PGM5: variants seen among roughly 807,000 people sequenced by gnomAD.
The protein encoded by PGM5 is phosphoglucomutase-like protein 5.
A neutral mutation model predicts 59.2 loss-of-function variants in PGM5; 23 were observed. That is an observed-to-expected ratio of 0.39 (90% CI 0.28 to 0.55). The LOEUF (loss-of-function observed/expected upper bound fraction) is 0.55, where lower values mean the gene tolerates loss of function less well. Among genes scored for constraint, PGM5 ranks in the 20% least tolerant of loss-of-function variants. The probability of loss-of-function intolerance (pLI) is 0.66; values close to 1 mark genes in which losing one functional copy is unlikely to be tolerated. For missense variants in PGM5, 574 were observed against 748.3 expected (o/e 0.77, Z 2.72); for synonymous variants, 214 against 286.0 (o/e 0.75, Z 2.54).
At chr9:68,504,141 C>T (rs1414118647) in intron 10 of PGM5, among the ~76,000 whole-genome samples, 2 of 152,222 alleles carry the variant, frequency 1.3e-5, no homozygotes, top group Non-Finnish European at 2.9e-5. Context: ...TTCCACACAT[C>T]GATCTCTGTC....
intron 6 of PGM5, among the ~76,000 whole-genome samples, chr9:68,444,226 G>T (rs890872646): frequency 6.6e-6 from 1 of 152,032 alleles, no homozygotes; most frequent in Admixed American, 6.6e-5. Context: ...GGGAGACTGG[G>T]ATTTCCAGTA....
At chr9:68,403,522 T>C (rs1331895003) in intron 6 of PGM5, among the ~76,000 whole-genome samples, 1 of 152,202 alleles carries the variant, frequency 6.6e-6, no homozygotes, top group South Asian at 2.1e-4. Context: ...CACTATGTTA[T>C]ATAGTATGTT....
chr9:68,496,842 T>G (rs1824490122), intron 9 of PGM5: 1 of 152,206 alleles, frequency 6.6e-6, no homozygotes, highest in Non-Finnish European at 1.5e-5. Context: ...GGGTTGAGTC[T>G]GGGGGCTCAT....
chr9:68,499,214 T>C lies in PGM5; in HGVS notation c.1480-13T>C. ...TTTGCTCACTGCTCCATTCTGGATGTTCTTGGTCTCAGGGCCTAAGGATCA... is the reference window on the plus strand; with the variant it reads ...TTTGCTCACTGCTCCATTCTGGATGCTCTTGGTCTCAGGGCCTAAGGATCA... On this transcript the variant is annotated splice_polypyrimidine_tract_variant and intron_variant, in intron 9 of 10. Coordinates refer to ENST00000396396, the MANE Select transcript of PGM5 (RefSeq NM_021965.4). 2 of 1,614,014 alleles carry C rather than the reference T, an allele frequency of 1.2e-6. No individual in the cohort carries two copies. Among genetic ancestry groups the C allele is most frequent in the Non-Finnish European group, 1.7e-6 (2 of 1,179,926 alleles).
chr9:68,439,592 TCAGA>T (rs1393547910), intron 6 of PGM5, among the ~76,000 whole-genome samples: 1 of 147,904 alleles, frequency 6.8e-6, no homozygotes, highest in Non-Finnish European at 1.5e-5. Context: ...CCACAACAGC[TCAGA>T]GTCTACCCCA....
chr9:68,399,347 C>T (rs1333743698), intron 6 of PGM5: 1 of 152,024 alleles, frequency 6.6e-6, no homozygotes, highest in Non-Finnish European at 1.5e-5. Context: ...GGTGTCTATA[C>T]TTAATTTAGT....
rs1824528250 is a variant in PGM5, at chr9:68,499,124, G to A, written c.1480-103G>A. 5.7e-6 allele frequency: 7 copies of A among 1,223,994 alleles called. No homozygotes were observed. In the Admixed American group the frequency reaches 7.0e-5, roughly 12 times the overall value. The allele number at this position is 1,223,994 out of a possible 1,614,324, so 75.8% of individuals were successfully genotyped here. ...AATATAAATGGTCTTGATTCTGATT[G>A]TGTTGAGGTATAAAAACATGCTGAT... On this transcript the variant is annotated intron_variant, in intron 9 of 10. Transcript: ENST00000396396.
At chr9:68,375,343 C>T (rs1821851827) in intron 1 of PGM5, among the ~76,000 whole-genome samples, 1 of 152,236 alleles carries the variant, frequency 6.6e-6, no homozygotes, top group African/African-American at 2.4e-5. Flanking sequence ...GGCTATTTAC[C>T]ACAGCCCCTC....
At chr9:68,418,799 C>T (rs928914097) in intron 6 of PGM5, among the ~76,000 whole-genome samples, 3 of 152,064 alleles carry the variant, frequency 2.0e-5, no homozygotes, top group Middle Eastern at 3.2e-3. Flanking sequence ...GAACCCCTGC[C>T]GGGTCACCAG....
chr9:68,486,571 A>G (rs62553015), intron 9 of PGM5, among the ~76,000 whole-genome samples: 18,256 of 152,176 alleles, frequency 0.12, 1,449 homozygotes, highest in Non-Finnish European at 0.17. Context: ...ACTTATTGTA[A>G]TATTTTCAGG....
intron 10 of PGM5, among the ~76,000 whole-genome samples, chr9:68,520,290 G>T (rs1471143434): frequency 1.3e-5 from 2 of 150,536 alleles, no homozygotes; most frequent in African/African-American, 4.9e-5. Flanking sequence ...ACTGATAAAA[G>T]AGTTAAATCC....
intron 6 of PGM5, chr9:68,396,061 T>C (rs2482656): frequency 6.6e-6 from 1 of 151,848 alleles, no homozygotes; most frequent in Non-Finnish European, 1.5e-5. Flanking sequence ...CTGAGTGATA[T>C]GTAGGGTATT....
At chr9:68,378,685 T>A (rs376746) in intron 2 of PGM5, among the ~76,000 whole-genome samples, 2,010 of 152,298 alleles carry the variant, frequency 0.013, 59 homozygotes, top group African/African-American at 0.046. Flanking sequence ...ATTTTACACA[T>A]GAACAAATCA....
intron 10 of PGM5, among the ~76,000 whole-genome samples, chr9:68,518,305 C>G (rs1287894552): frequency 6.6e-6 from 1 of 152,146 alleles, no homozygotes; most frequent in Non-Finnish European, 1.5e-5. Context: ...ATGAAGGAAA[C>G]TAACAATATT....
intron 6 of PGM5, among the ~76,000 whole-genome samples, chr9:68,447,151 G>A (rs1001176915): frequency 2.0e-5 from 3 of 151,476 alleles, no homozygotes; most frequent in Non-Finnish European, 4.4e-5. Flanking sequence ...GGTTGCTGGT[G>A]CCAAGCCGGA....
intron 9 of PGM5, among the ~76,000 whole-genome samples, chr9:68,488,430 G>T (rs1158840973): frequency 2.6e-5 from 4 of 152,222 alleles, no homozygotes; most frequent in Non-Finnish European, 4.4e-5. Flanking sequence ...TTAAAATCCT[G>T]TTCTGGTGAT....
chr9:68,412,978 A>G (rs1822959445), intron 6 of PGM5, among the ~76,000 whole-genome samples: 1 of 152,154 alleles, frequency 6.6e-6, no homozygotes, highest in Non-Finnish European at 1.5e-5. Context: ...ATCTGCTTTA[A>G]TTTGCTCCAA....
chr9:68,444,816 G>A (rs1375554655), intron 6 of PGM5, among the ~76,000 whole-genome samples: 14 of 152,334 alleles, frequency 9.2e-5, no homozygotes, highest in East Asian at 3.9e-4. Flanking sequence ...CACCCCTGGA[G>A]GGTGTACAGA....
intron 2 of PGM5, among the ~76,000 whole-genome samples, chr9:68,382,213 T>C (rs1161241973): frequency 4.0e-5 from 6 of 150,882 alleles, no homozygotes; most frequent in Non-Finnish European, 7.4e-5. Flanking sequence ...CAGAAATAAA[T>C]CAAGGCATAT....
Sources: gnomAD v4.1 joint callset for allele counts (sites outside exome capture counted in the v4.1 genomes callset) on GRCh38, gnomAD v4.1.1 for gene constraint, MANE v1.5 for transcripts, NCBI Gene and HGNC (gene_info 2026-07-23, HGNC 2026-07-21) for gene names.